Variants in COL5A2 observed in about 807,000 individuals in gnomAD.
The protein encoded by COL5A2 is collagen type V alpha 2 chain.
Under a neutral mutation model 208.2 loss-of-function variants are expected in COL5A2, and 23 were observed. The observed-to-expected ratio is 0.11, with a 90% CI of 0.08 to 0.16. The LOEUF (loss-of-function observed/expected upper bound fraction) is 0.16, where lower values mean the gene tolerates loss of function less well. COL5A2 is among the 10% of genes least tolerant of loss of function. COL5A2 has a pLI of 1.00. For synonymous variants in COL5A2, 625 were observed against 628.5 expected (o/e 0.99, Z 0.08); for missense variants, 1,590 against 1,956.4 (o/e 0.81, Z 3.53).
At chr2:189,166,567 T>C (rs1688468409) in intron 1 of COL5A2, among the ~76,000 whole-genome samples, 1 of 152,178 alleles carries the variant, frequency 6.6e-6, no homozygotes, top group Non-Finnish European at 1.5e-5. Flanking sequence ...TCCATTTTGA[T>C]TATAACCAGA....
At chr2:189,226,459 T>C (rs1037466661), upstream of COL5A2, among the ~76,000 whole-genome samples, 1 of 152,122 alleles carries the variant, frequency 6.6e-6, no homozygotes, top group Non-Finnish European at 1.5e-5. Flanking sequence ...GAAGAATTTT[T>C]GTCACCCTCT....
chr2:189,309,360 G>A, the COL5A2 span, among the ~76,000 whole-genome samples: 1 of 152,224 alleles, frequency 6.6e-6, no homozygotes, highest in East Asian at 1.9e-4. Context: ...ACTGATATAC[G>A]ACCTTCTAGG....
intron 9 of COL5A2, among the ~76,000 whole-genome samples, chr2:189,086,495 G>C (rs996485361): frequency 6.6e-6 from 1 of 151,986 alleles, no homozygotes; most frequent in East Asian, 1.9e-4. Context: ...TGTTATCGAA[G>C]GTCAGTCACA....
At position 189,097,357 on chromosome 2, in the gene COL5A2, T is replaced by C. The variant is rs770034342; in HGVS notation, c.403-27A>G. 2.5e-6 allele frequency: 4 copies of C among 1,610,938 alleles called. No homozygotes were observed. In the Admixed American group the frequency reaches 5.0e-5, roughly 20 times the overall value. The stretch of plus-strand genomic sequence containing the variant: ...TAAAACAGAAAATGATGATTATGCA[T>C]GCAAAAATGTATACTTTCTTATTGA... On this transcript the variant is annotated intron_variant, in intron 5 of 53. Transcript: ENST00000374866.
chr2:189,246,599 G>A, the COL5A2 span, among the ~76,000 whole-genome samples: 6 of 152,180 alleles, frequency 3.9e-5, no homozygotes, highest in African/African-American at 1.4e-4. Flanking sequence ...ACTATAAGAG[G>A]CTGAGAAACC....
upstream of COL5A2, among the ~76,000 whole-genome samples, chr2:189,225,826 T>TA (rs1689408542): frequency 6.6e-6 from 1 of 152,166 alleles, no homozygotes; most frequent in South Asian, 2.1e-4. Context: ...TTTTGTTTCT[T>TA]ATACTTTTTC....
chr2:189,302,810 C>T, the COL5A2 span, among the ~76,000 whole-genome samples: 1 of 152,080 alleles, frequency 6.6e-6, no homozygotes, highest in Non-Finnish European at 1.5e-5. Context: ...TAGTAGCTGG[C>T]TAGGTTATCA....
chr2:189,261,694 T>G, the COL5A2 span, among the ~76,000 whole-genome samples: 2 of 152,188 alleles, frequency 1.3e-5, no homozygotes, highest in Admixed American at 6.5e-5. Flanking sequence ...TCACACAGAA[T>G]TTGGGGTAGA....
At chr2:189,327,093 TAATA>T in the COL5A2 span, among the ~76,000 whole-genome samples, 1 of 148,248 alleles carries the variant, frequency 6.7e-6, no homozygotes, top group Admixed American at 6.7e-5. Flanking sequence ...ATAATAATAA[TAATA>T]AATAAAAAAT....
At chr2:189,375,571 T>C in the COL5A2 span, among the ~76,000 whole-genome samples, 1 of 152,208 alleles carries the variant, frequency 6.6e-6, no homozygotes, top group East Asian at 1.9e-4. Flanking sequence ...ATAATGTTAT[T>C]TCTCAAGTTT....
intron 35 of COL5A2, 59 bp downstream of exon 35, chr2:189,056,913 CT>C: frequency 6.6e-7 from 1 of 1,516,090 alleles, no homozygotes; most frequent in Admixed American, 1.7e-5. Flanking sequence ...TTCAGGGAAA[CT>C]CATATGATAC....
chr2:189,094,123 T>C (rs1686848762), intron 6 of COL5A2, among the ~76,000 whole-genome samples: 1 of 152,220 alleles, frequency 6.6e-6, no homozygotes, highest in Admixed American at 6.5e-5. Flanking sequence ...TAACACTTCG[T>C]ATTTCAAAGT....
At chr2:189,298,120 C>T in the COL5A2 span, among the ~76,000 whole-genome samples, 1 of 152,090 alleles carries the variant, frequency 6.6e-6, no homozygotes, top group Non-Finnish European at 1.5e-5. Context: ...TTATTATCTC[C>T]CTTCATCACT....
At chr2:189,416,100 T>A in the COL5A2 span, among the ~76,000 whole-genome samples, 1 of 152,362 alleles carries the variant, frequency 6.6e-6, no homozygotes, top group African/African-American at 2.4e-5. Context: ...GGAACACTTT[T>A]ACACTGTTGG....
At chr2:189,395,950 A>G in the COL5A2 span, among the ~76,000 whole-genome samples, 1 of 146,556 alleles carries the variant, frequency 6.8e-6, no homozygotes, top group Non-Finnish European at 1.5e-5. Flanking sequence ...CTAATTTTGC[A>G]ATTTTACAAG....
intron 1 of COL5A2, among the ~76,000 whole-genome samples, chr2:189,215,817 A>G (rs1249397730): frequency 6.6e-6 from 1 of 152,184 alleles, no homozygotes; most frequent in Non-Finnish European, 1.5e-5. Context: ...TTCTAAATTA[A>G]AAAACTAGCT....
chr2:189,095,478 C>CCT (rs140048790), intron 6 of COL5A2, among the ~76,000 whole-genome samples: 11 of 150,888 alleles, frequency 7.3e-5, no homozygotes, highest in Non-Finnish European at 1.2e-4. Context: ...CCCCTTTCTC[C>CCT]CTCTCTCTCT....
At chr2:189,285,201 C>A in the COL5A2 span, among the ~76,000 whole-genome samples, 1 of 151,728 alleles carries the variant, frequency 6.6e-6, no homozygotes, top group South Asian at 2.1e-4. Flanking sequence ...CTTGTTCCTG[C>A]CCCTGAATGT....
chr2:189,237,580 T>C, the COL5A2 span, among the ~76,000 whole-genome samples: 2 of 151,846 alleles, frequency 1.3e-5, no homozygotes. Context: ...GAGAAGTTAA[T>C]GAGTTTGATG....
Sources: gnomAD v4.1 joint callset for allele counts (sites outside exome capture counted in the v4.1 genomes callset) on GRCh38, gnomAD v4.1.1 for gene constraint, MANE v1.5 for transcripts, NCBI Gene and HGNC (gene_info 2026-07-23, HGNC 2026-07-21) for gene names.